BRAF: variants seen among roughly 807,000 people sequenced by gnomAD.
BRAF encodes the protein serine/threonine-protein kinase B-raf.
Under a neutral mutation model 104.6 loss-of-function variants are expected in BRAF, and 16 were observed. The observed-to-expected ratio is 0.15, with a 90% confidence interval of 0.10 to 0.23. BRAF has a LOEUF of 0.23. Ranked by LOEUF, BRAF falls within the 10% of genes least tolerant of loss-of-function variation. The probability of loss-of-function intolerance (pLI) is 1.00; values close to 1 mark genes in which losing one functional copy is unlikely to be tolerated. For missense variants in BRAF, 541 were observed against 937.3 expected (o/e 0.58, Z 5.52); for synonymous variants, 310 against 341.6 (o/e 0.91, Z 1.02).
At chr7:140,828,665 C>T (rs1252134514) in intron 3 of BRAF, among the ~76,000 whole-genome samples, 1 of 152,152 alleles carries the variant, frequency 6.6e-6, no homozygotes, top group Non-Finnish European at 1.5e-5. Flanking sequence ...ATTTATACAA[C>T]CATTTCTCTA....
At chr7:140,728,136 CTGAG>C (rs972461933) in intron 19 of BRAF, among the ~76,000 whole-genome samples, 8 of 152,148 alleles carry the variant, frequency 5.3e-5, no homozygotes, top group Non-Finnish European at 7.4e-5. Flanking sequence ...TAGTGACTGA[CTGAG>C]TGCCTGATGC....
At chr7:140,746,431 G>A (rs1322529854) in intron 17 of BRAF, among the ~76,000 whole-genome samples, 4 of 151,972 alleles carry the variant, frequency 2.6e-5, no homozygotes, top group African/African-American at 7.3e-5. Flanking sequence ...AAGGTAAAAA[G>A]GCACACTACT....
chr7:140,740,087 A>G, intron 17 of BRAF, 141 bp from the exon 17 acceptor site: 1 of 839,672 alleles, frequency 1.2e-6, no homozygotes, highest in Non-Finnish European at 1.8e-6. Flanking sequence ...GTTTTAAAAA[A>G]CCAATGCCAC....
chr7:140,812,180 G>A (rs1804346824), intron 3 of BRAF, among the ~76,000 whole-genome samples: 1 of 151,992 alleles, frequency 6.6e-6, no homozygotes, highest in Middle Eastern at 3.4e-3. Context: ...GTGTGTGTGT[G>A]TGTGTGTGTG....
At chr7:140,874,823 G>A (rs1007081343) in intron 1 of BRAF, among the ~76,000 whole-genome samples, 13 of 152,150 alleles carry the variant, frequency 8.5e-5, no homozygotes, top group Non-Finnish European at 2.9e-5. Flanking sequence ...GGAGAAAATT[G>A]GATCATGGAA....
chr7:140,793,555 C>T lies in BRAF; in HGVS notation c.1140+753G>A, dbSNP rs28695423. ...TAAAATTTATAGTTTCAATTATATG[C>T]TAATTTTAAAATAAACACAGAAAAA... On this transcript the variant is annotated intron_variant, in intron 8 of 19. Transcript: ENST00000644969. 5.5e-3 allele frequency among the ~76,000 whole-genome samples: 838 copies of T among 151,974 alleles called. 6 individuals are homozygous for T. The highest frequency in any genetic ancestry group is 0.019 in the African/African-American group (797 of 41,446).
intron 1 of BRAF, among the ~76,000 whole-genome samples, chr7:140,915,855 A>G (rs1237613424): frequency 6.8e-6 from 1 of 147,938 alleles, no homozygotes. Flanking sequence ...CTGGAAGTGT[A>G]GTTTCAAAAT....
chr7:140,878,097 T>C (rs958816075), intron 1 of BRAF, among the ~76,000 whole-genome samples: 1 of 151,944 alleles, frequency 6.6e-6, no homozygotes, highest in Admixed American at 6.6e-5. Context: ...CCCTCTTGAA[T>C]ATAGATACAA....
chr7:140,803,516 T>C (rs751226409), intron 5 of BRAF, among the ~76,000 whole-genome samples: 4 of 152,172 alleles, frequency 2.6e-5, no homozygotes, highest in Non-Finnish European at 5.9e-5. Context: ...CAGCTCTTCC[T>C]AATCTTACTA....
intron 9 of BRAF, among the ~76,000 whole-genome samples, chr7:140,786,183 AG>A (rs1173099074): frequency 6.6e-6 from 1 of 152,198 alleles, no homozygotes; most frequent in Non-Finnish European, 1.5e-5. Context: ...AATAACAAAC[AG>A]GAAAAAAAAA....
At chr7:140,784,578 T>C (rs1442632924) in intron 10 of BRAF, among the ~76,000 whole-genome samples, 2 of 152,034 alleles carry the variant, frequency 1.3e-5, no homozygotes, top group Non-Finnish European at 2.9e-5. Flanking sequence ...ATATAACAGA[T>C]ACTAACTAGC....
At position 140,722,183 on chromosome 7, in the gene BRAF, A is replaced by C; in HGVS notation, c.*4311T>G. The C allele has an allele frequency of 9.4e-7, 1 of 1,060,192 alleles. No homozygotes were observed. 65.7% of individuals were successfully genotyped at this position (1,060,192 alleles called of 1,614,324 possible). A position where few individuals can be genotyped will look rare whatever the true frequency, so the allele number is the denominator to read the frequency against. On this transcript the variant is annotated 3_prime_UTR_variant, in exon 20 of 20. Transcript: ENST00000644969. ...ATTTGCAACCTAGTTGCTCTATGTG[A>C]TAAATATATCTGACTATACTAGGGA... is the stretch of plus-strand genomic sequence containing the variant.
rs1467230975 is a variant in BRAF, at chr7:140,783,149, T to C, written c.1306A>G (p.Thr436Ala). Residue 436 changes from threonine to alanine, a missense_variant, in exon 11 of 20, where the codon ACA (threonine) becomes GCA (alanine). By Grantham distance (58) the Thr-to-Ala change is moderately conservative. Around this residue, in one of 10 missense-constraint regions of BRAF, gnomAD observed 109 missense variants for 143.9 expected, o/e 0.76. Transcript: ENST00000644969. ...EPGPVFRGST[T>A]GLSATPPASL... ...GCAGGGGGGGTAGCAGACAAACCTG[T>C]GGTTGATCCTAAATTAGTGAAAAGA... 4 of 1,613,992 alleles carry C rather than the reference T, an allele frequency of 2.5e-6. No homozygotes were observed. The highest frequency in any genetic ancestry group is 3.4e-6 in the Non-Finnish European group (4 of 1,179,940).
intron 2 of BRAF, among the ~76,000 whole-genome samples, chr7:140,838,071 C>T (rs1471387706): frequency 6.6e-6 from 1 of 152,160 alleles, no homozygotes; most frequent in African/African-American, 2.4e-5. Flanking sequence ...CAACCACCAC[C>T]ACCATTTCTT....
Position 140,724,633 on chromosome 7 carries a change from G to C in BRAF, c.*1861C>G. The C allele has an allele frequency of 2.9e-6, 3 of 1,036,212 alleles. No homozygotes were observed. The highest frequency in any genetic ancestry group is 3.5e-6 in the Non-Finnish European group (3 of 860,714). The allele number at this position is 1,036,212 out of a possible 1,614,324, so 64.2% of individuals were successfully genotyped here. On this transcript the variant is annotated 3_prime_UTR_variant, in exon 20 of 20. Transcript: ENST00000644969. ...CTTTCTTCTGAATACATGTATGTTA[G>C]CAAAAATCTAATGGTAGTGAGCTTT...
chr7:140,919,148 A>T (rs1235199823), intron 1 of BRAF, among the ~76,000 whole-genome samples: 1 of 79,294 alleles, frequency 1.3e-5, no homozygotes, highest in Admixed American at 1.0e-4. Context: ...CTCCGTCTCA[A>T]AAAAAAAAAA....
At chr7:140,776,684 T>G (rs1800367292) in intron 14 of BRAF, among the ~76,000 whole-genome samples, 1 of 152,224 alleles carries the variant, frequency 6.6e-6, no homozygotes, top group Non-Finnish European at 1.5e-5. Flanking sequence ...AAGCCTAAGT[T>G]TGCAGTCATG....
intron 3 of BRAF, among the ~76,000 whole-genome samples, chr7:140,821,096 A>G (rs1805424991): frequency 6.6e-6 from 1 of 151,760 alleles, no homozygotes; most frequent in Non-Finnish European, 1.5e-5. Context: ...AAAATCCTGG[A>G]TTATCCCGCC....
chr7:140,821,109 A>G (rs896506657), intron 3 of BRAF, among the ~76,000 whole-genome samples: 2 of 151,710 alleles, frequency 1.3e-5, no homozygotes, highest in Admixed American at 6.6e-5. Flanking sequence ...ATCCCGCCTC[A>G]GTCTCCCAAG....
Sources: allele counts gnomAD v4.1 joint callset (sites outside exome capture counted in the v4.1 genomes callset), GRCh38; gene constraint gnomAD v4.1.1; regional missense constraint gnomAD v4.1.1; transcripts MANE v1.5; gene names NCBI Gene and HGNC (gene_info 2026-07-23, HGNC 2026-07-21).